Variants in DENND1A observed in about 807,000 individuals in gnomAD.
DENND1A encodes the protein DENN domain containing 1A.
Under a neutral mutation model 113.7 loss-of-function variants are expected in DENND1A, and 51 were observed. That is an observed-to-expected ratio of 0.45 (90% confidence interval 0.36 to 0.57). The LOEUF is 0.57. Ranked by LOEUF, DENND1A falls within the 20% of genes least tolerant of loss-of-function variation. The pLI is 0.00. For synonymous variants in DENND1A, 565 were observed against 570.8 expected (o/e 0.99, Z 0.14); for missense variants, 1,258 against 1,395.9 (o/e 0.90, Z 1.57).
intron 8 of DENND1A, among the ~76,000 whole-genome samples, chr9:123,658,325 T>C (rs1442433750): frequency 1.3e-5 from 2 of 152,208 alleles, no homozygotes; most frequent in Non-Finnish European, 2.9e-5. Flanking sequence ...TATAGCTGGT[T>C]TACAATGTAA....
intron 1 of DENND1A, among the ~76,000 whole-genome samples, chr9:123,900,704 G>C (rs1280247404): frequency 6.6e-6 from 1 of 152,184 alleles, no homozygotes; most frequent in Non-Finnish European, 1.5e-5. Flanking sequence ...TAACATCTCT[G>C]ACTTCAGTCA....
chr9:123,411,716 G>A lies in DENND1A; in HGVS notation c.1542+60C>T, dbSNP rs935809554. On this transcript the variant is annotated intron_variant, in intron 20 of 23. Coordinates refer to ENST00000394215, the MANE Select transcript of DENND1A (RefSeq NM_001352964.2). ...GTCCAAACTCTGGAGGTTTAGTCAG[G>A]CTGAGGGAGAATGGCTCAGGCAGTG... 3 of 978,420 alleles carry A rather than the reference G, an allele frequency of 3.1e-6. No individual in the cohort carries two copies. The African/African-American group carries it at 5.3e-5, about 17-fold the overall frequency. 60.6% of individuals were successfully genotyped at this position (978,420 alleles called of 1,614,324 possible).
At chr9:123,773,931 G>A (rs898763163) in intron 3 of DENND1A, among the ~76,000 whole-genome samples, 8 of 151,994 alleles carry the variant, frequency 5.3e-5, no homozygotes, top group African/African-American at 1.9e-4. Context: ...TTTAAAATAT[G>A]TAAAGCCACA....
intron 4 of DENND1A, among the ~76,000 whole-genome samples, chr9:123,766,790 C>T (rs1390874425): frequency 6.6e-6 from 1 of 152,300 alleles, no homozygotes; most frequent in South Asian, 2.1e-4. Context: ...AAGCTACTGG[C>T]TTTATTATTT....
At chr9:123,451,799 C>T (rs1292156310) in intron 17 of DENND1A, among the ~76,000 whole-genome samples, 2 of 152,176 alleles carry the variant, frequency 1.3e-5, no homozygotes, top group African/African-American at 4.8e-5. Flanking sequence ...TGTCACTGAA[C>T]CAGTTATAAT....
chr9:123,676,628 C>CT (rs905271083), intron 6 of DENND1A, 92 bp downstream of exon 6: 6 of 1,270,820 alleles, frequency 4.7e-6, no homozygotes, highest in African/African-American at 1.5e-5. Flanking sequence ...GCATGCATCA[C>CT]TTTTTTGGTA....
intron 12 of DENND1A, among the ~76,000 whole-genome samples, chr9:123,575,049 G>A (rs950095056): frequency 6.6e-6 from 1 of 152,178 alleles, no homozygotes; most frequent in African/African-American, 2.4e-5. Flanking sequence ...CTTGACAGTT[G>A]TGAGAAATGC....
intron 10 of DENND1A, among the ~76,000 whole-genome samples, chr9:123,629,695 C>G (rs1024632876): frequency 6.6e-6 from 1 of 152,192 alleles, no homozygotes; most frequent in Admixed American, 6.5e-5. Flanking sequence ...TTTCACTGAA[C>G]AGTGAAATTC....
At chr9:123,487,400 G>A (rs913633702) in intron 13 of DENND1A, among the ~76,000 whole-genome samples, 8 of 152,192 alleles carry the variant, frequency 5.3e-5, no homozygotes, top group East Asian at 1.9e-4. Flanking sequence ...GGTAACTAGA[G>A]CAGGGTCTTC....
chr9:123,649,500 C>T (rs1167297050), intron 9 of DENND1A, among the ~76,000 whole-genome samples: 1 of 152,094 alleles, frequency 6.6e-6, no homozygotes, highest in Non-Finnish European at 1.5e-5. Context: ...TTGTCTAAGA[C>T]TGAAATAATC....
At position 123,853,710 on chromosome 9, in the gene DENND1A, G is replaced by A. The variant is rs116889269; in HGVS notation, c.88+25241C>T. Among the ~76,000 whole-genome samples, 33 of 152,232 alleles carry A rather than the reference G, an allele frequency of 2.2e-4. 1 individual carries two copies. In the East Asian group the frequency reaches 6.2e-3, roughly 29 times the overall value. On this transcript the variant is annotated intron_variant, in intron 2 of 23. Transcript: ENST00000394215. ...GCTCTAGCTAGCACTCAGGTTTTAG[G>A]AAACAAATCTTTCTGTGAGGGTCTC...
chr9:123,381,904 C>T lies in DENND1A; in HGVS notation c.2741G>A (p.Gly914Glu), dbSNP rs2042290510. 1 of 898,354 alleles carries T rather than the reference C, an allele frequency of 1.1e-6. No individual in the cohort carries two copies. Among genetic ancestry groups the T allele is most frequent in the Non-Finnish European group, 1.5e-6 (1 of 669,336 alleles). 55.6% of individuals were successfully genotyped at this position (898,354 alleles called of 1,614,324 possible). Residue 914 changes from glycine (G) to glutamate (E), a missense_variant, in exon 24 of 24, where the codon GGG becomes GAG. Transcript: ENST00000394215. The surrounding 1 kb of genome is among the most constrained non-coding windows in gnomAD (Gnocchi z 4.7). ...GGAAGCTGGAGGGGCCCCGAAAGGCCCGGCTGGTGTGGAGACCAGGGGCAG... is the reference window on the plus strand; with the variant it reads ...GGAAGCTGGAGGGGCCCCGAAAGGCTCGGCTGGTGTGGAGACCAGGGGCAG... ...PTLPLVSTPA[G>E]PFGAPPASLG...
intron 13 of DENND1A, among the ~76,000 whole-genome samples, chr9:123,501,666 C>T (rs1324454270): frequency 6.6e-6 from 1 of 152,168 alleles, no homozygotes; most frequent in Non-Finnish European, 1.5e-5. Context: ...CTGGGTGTGT[C>T]TGTGAGGGTG....
At chr9:123,884,972 T>A (rs1848803294) in intron 1 of DENND1A, among the ~76,000 whole-genome samples, 1 of 150,772 alleles carries the variant, frequency 6.6e-6, no homozygotes, top group African/African-American at 2.4e-5. Flanking sequence ...CCCTCCCATC[T>A]CCCACCTGAC....
intron 9 of DENND1A, among the ~76,000 whole-genome samples, chr9:123,634,298 C>T (rs1052770867): frequency 7.9e-5 from 12 of 152,118 alleles, no homozygotes; most frequent in Non-Finnish European, 1.3e-4. Context: ...TTTCTGCAAT[C>T]GGGGTAAAAT....
chr9:123,904,553 G>A lies in DENND1A; in HGVS notation c.17+25336C>T, dbSNP rs1023483607. Among the ~76,000 whole-genome samples the A allele has an allele frequency of 9.7e-4, 142 of 145,994 alleles. 3 individuals are homozygous for A. The South Asian group carries it at 0.024, about 25-fold the overall frequency. ...CTGATGGAGCTGAAAACCAAGGCTC[G>A]AGAACTACGTGAAGAATGCAGAAGC... On this transcript the variant is annotated intron_variant, in intron 1 of 23. Transcript: ENST00000394215.
At position 123,616,572 on chromosome 9, in the gene DENND1A, G is replaced by GA. The variant is rs1189035677; in HGVS notation, c.720-7092dup. The stretch of plus-strand genomic sequence containing the variant: ...TATGAAAAGAAATAGGAGCTAAGGG[G>GA]AAAAAAAAAGGAAGCTGTGGCAAGG... On this transcript the variant is annotated intron_variant, in intron 10 of 23. Coordinates refer to ENST00000394215, the MANE Select transcript of DENND1A (RefSeq NM_001352964.2). Among the ~76,000 whole-genome samples, 11 of 151,058 alleles carry GA rather than the reference G, an allele frequency of 7.3e-5. No individual in the cohort carries two copies. The South Asian group carries it at 1.3e-3, about 17-fold the overall frequency.
At chr9:123,837,878 T>C (rs1841273754) in intron 2 of DENND1A, among the ~76,000 whole-genome samples, 1 of 152,228 alleles carries the variant, frequency 6.6e-6, no homozygotes, top group Non-Finnish European at 1.5e-5. Context: ...CCTGCACATG[T>C]TGTGGCAAAA....
chr9:123,877,760 T>C (rs1001098227), intron 2 of DENND1A, among the ~76,000 whole-genome samples: 1 of 151,858 alleles, frequency 6.6e-6, no homozygotes, highest in African/African-American at 2.4e-5. Context: ...AGGCGGAAGC[T>C]GCAGTGAGCC....
Sources: allele counts gnomAD v4.1 joint callset (sites outside exome capture counted in the v4.1 genomes callset), GRCh38; gene constraint gnomAD v4.1.1; non-coding constraint Gnocchi (gnomAD v3.1); transcripts MANE v1.5; gene names NCBI Gene and HGNC (gene_info 2026-07-23, HGNC 2026-07-21).